The following ELAC2 variants were observed in gnomAD, a reference collection of about 807,000 sequenced individuals.
ELAC2 encodes elaC ribonuclease Z 2, also known as zinc phosphodiesterase ELAC protein 2.
ELAC2 carries 92 observed loss-of-function variants against 105.2 expected under a neutral mutation model. That is an observed-to-expected ratio of 0.87 (90% CI 0.74 to 1.04). The LOEUF (loss-of-function observed/expected upper bound fraction) is 1.04. Among genes scored for constraint, ELAC2 ranks in the 50% least tolerant of loss-of-function variants. The pLI, the probability that ELAC2 is intolerant of heterozygous loss-of-function variation, is 0.00. For synonymous variants in ELAC2, 468 were observed against 409.1 expected (o/e 1.14, Z -1.74); for missense variants, 1,099 against 1,071.7 (o/e 1.03, Z -0.36).
In ELAC2 at chr17:12,993,054, C is replaced by G; in HGVS notation, c.2254-9G>C. ...AAGTCTCCAAAGCAGACCTAGAAGA[C>G]ACAATAGAAGACAAGGACATGTCTC... is the stretch of plus-strand genomic sequence containing the variant. On this transcript the variant is annotated splice_polypyrimidine_tract_variant and intron_variant, in intron 23 of 23. Coordinates refer to ENST00000338034, the MANE Select transcript of ELAC2 (RefSeq NM_018127.7). 6.2e-7 allele frequency: 1 copy of G among 1,601,068 alleles called. No individual in the cohort carries two copies. Among genetic ancestry groups the G allele is most frequent in the East Asian group, 2.2e-5 (1 of 44,876 alleles).
intron 11 of ELAC2, among the ~76,000 whole-genome samples, chr17:13,004,730 A>G (rs1008438168): frequency 2.6e-5 from 4 of 152,236 alleles, no homozygotes; most frequent in Non-Finnish European, 4.4e-5. Flanking sequence ...TTCTTCTGGT[A>G]TAAGAGCTGT....
intron 12 of ELAC2, 55 bp from the exon 13 acceptor site, chr17:13,002,634 GAGGAGTGGTGCTGAGCTC>G: frequency 5.8e-6 from 9 of 1,560,014 alleles, no homozygotes; most frequent in Non-Finnish European, 7.8e-6. Context: ...AGCTCCCCCT[GAGGAGTGGTGCTGAGCTC>G]AGGAGTGGTA....
intron 16 of ELAC2, among the ~76,000 whole-genome samples, chr17:12,997,378 A>G (rs1393842909): frequency 6.6e-6 from 1 of 152,180 alleles, no homozygotes; most frequent in Non-Finnish European, 1.5e-5. Context: ...AGGAGCCACG[A>G]ACACTGAGAG....
Position 13,016,937 on chromosome 17 carries a change from G to C in ELAC2, c.297-5C>G. On this transcript the variant is annotated splice_region_variant and splice_polypyrimidine_tract_variant and intron_variant, in intron 2 of 23. Transcript: ENST00000338034. ...TCCAGGCGAGCAACCTTTAACCTAAGAATGAAAAAACATTTAAACAGGATA... is the reference window on the plus strand; with the variant it reads ...TCCAGGCGAGCAACCTTTAACCTAACAATGAAAAAACATTTAAACAGGATA... 1 of 1,613,854 alleles carries C rather than the reference G, an allele frequency of 6.2e-7. No homozygotes were observed.
chr17:12,995,134 T>C, intron 19 of ELAC2, 72 bp from the exon 20 acceptor site: 1 of 1,510,798 alleles, frequency 6.6e-7, no homozygotes. Flanking sequence ...TTTAAGTCTT[T>C]GGCTGGAGAA....
chr17:12,992,069 A>C lies in ELAC2; in HGVS notation c.*749T>G, dbSNP rs1349871748. On this transcript the variant is annotated 3_prime_UTR_variant, in exon 24 of 24. Transcript: ENST00000338034. ...GTCTCCACTTTTACCCAGAACCACC[A>C]GAAGACTTGCATTTCCCTGACCAAT... 6.6e-6 allele frequency among the ~76,000 whole-genome samples: 1 copy of C among 152,176 alleles called. No homozygotes were observed. Among genetic ancestry groups the C allele is most frequent in the East Asian group, 1.9e-4 (1 of 5,198 alleles).
chr17:13,007,258 C>G (rs1338951842), intron 8 of ELAC2, among the ~76,000 whole-genome samples: 1 of 151,908 alleles, frequency 6.6e-6, no homozygotes. Flanking sequence ...ACATGTAGGC[C>G]TTTGAGTGCT....
At chr17:12,993,171 A>G in intron 23 of ELAC2, 126 bp from the exon 24 acceptor site, 1 of 999,344 alleles carries the variant, frequency 1.0e-6, no homozygotes, top group Non-Finnish European at 1.5e-6. Flanking sequence ...ACAAGCCAAC[A>G]GGCCACAGCT....
intron 12 of ELAC2, 98 bp downstream of exon 12, chr17:13,003,381 A>G: frequency 9.0e-7 from 1 of 1,116,516 alleles, no homozygotes. Context: ...GCAGGTGCAG[A>G]AGGGTAGGTA....
At chr17:12,994,942 G>A in intron 20 of ELAC2, 21 bp downstream of exon 20, 1 of 1,614,130 alleles carries the variant, frequency 6.2e-7, no homozygotes, top group Non-Finnish European at 8.5e-7. Context: ...CCCCCATGAT[G>A]CCTGCGGCTG....
At chr17:12,995,521 G>T (rs2040424326) in intron 19 of ELAC2, among the ~76,000 whole-genome samples, 182 bp downstream of exon 19, 1 of 152,240 alleles carries the variant, frequency 6.6e-6, no homozygotes, top group Non-Finnish European at 1.5e-5. Flanking sequence ...CATTACATGG[G>T]AACTATCTAA....
intron 1 of ELAC2, 48 bp from the exon 2 acceptor site, chr17:13,017,169 A>G: frequency 6.6e-7 from 1 of 1,523,644 alleles, no homozygotes; most frequent in Non-Finnish European, 9.1e-7. Flanking sequence ...TTATTCTGTA[A>G]ACTCTCTGAC....
chr17:12,995,919 C>A, intron 18 of ELAC2, 21 bp downstream of exon 18: 1 of 1,590,170 alleles, frequency 6.3e-7, no homozygotes, highest in Non-Finnish European at 8.6e-7. Context: ...ACTCAGAACG[C>A]CCATCAAGTG....
Position 13,003,493 on chromosome 17 carries a change from C to A in ELAC2, c.1065G>T (p.Gln355His). 1 of 1,614,210 alleles carries A rather than the reference C, an allele frequency of 6.2e-7. No homozygotes were observed. Among genetic ancestry groups the A allele is most frequent in the Non-Finnish European group, 8.5e-7 (1 of 1,180,028 alleles). Residue 355 changes from glutamine (Q) to histidine (H), a missense_variant, in exon 12 of 24, where the codon CAG becomes CAT. Transcript: ENST00000338034. Reference protein sequence around the residue: ...PASVLVDSRYQQWMERFGPDT... With the variant: ...PASVLVDSRYHQWMERFGPDT... ...GGGCTCCATACCTCTCCATCCACTG[C>A]TGGTACCTGCTGTCCACAAGCACAG...
chr17:13,000,223 C>T lies in ELAC2; in HGVS notation c.1356G>A (p.Gln452=). The T allele has an allele frequency of 1.2e-6, 2 of 1,614,160 alleles. No individual in the cohort carries two copies. Among genetic ancestry groups the T allele is most frequent in the East Asian group, 2.2e-5 (1 of 44,876 alleles). ...NPEEFIVEAL[Q]LPNFQQSVQE... ...GCACGCTCTGCTGGAAGTTGGGAAG[C>T]TGCAGCGCCTCAACTATGAATTCCT... Residue 452 remains glutamine (Q), a synonymous_variant, in exon 15 of 24, where the codon CAG becomes CAA. Coordinates refer to ENST00000338034, the MANE Select transcript of ELAC2 (RefSeq NM_018127.7).
chr17:13,001,842 A>C (rs1258787341), intron 14 of ELAC2, among the ~76,000 whole-genome samples: 1 of 152,254 alleles, frequency 6.6e-6, no homozygotes, highest in Non-Finnish European at 1.5e-5. Flanking sequence ...ACAGGAAAAG[A>C]CTGACAATAT....
Position 12,992,705 on chromosome 17 carries a change from G to T in ELAC2, c.*113C>A. On this transcript the variant is annotated 3_prime_UTR_variant, in exon 24 of 24. Transcript: ENST00000338034. The stretch of plus-strand genomic sequence containing the variant: ...CACAGCTCCATACCACCTATCCTGA[G>T]CTGCCTCCTGGGGGACCGTGCTCTT... 7.7e-7 allele frequency: 1 copy of T among 1,303,098 alleles called. No individual in the cohort carries two copies. Among genetic ancestry groups the T allele is most frequent in the Non-Finnish European group, 1.1e-6 (1 of 922,774 alleles). 80.7% of individuals were successfully genotyped at this position (1,303,098 alleles called of 1,614,324 possible). A position where few individuals can be genotyped will look rare whatever the true frequency, so the allele number is the denominator to read the frequency against.
intron 11 of ELAC2, among the ~76,000 whole-genome samples, chr17:13,004,510 T>A (rs185737800): frequency 6.6e-6 from 1 of 152,278 alleles, no homozygotes; most frequent in East Asian, 1.9e-4. Flanking sequence ...TTAACTTCGA[T>A]AGAGGACAAC....
intron 14 of ELAC2, 125 bp downstream of exon 14, chr17:13,002,149 G>A (rs1014287953): frequency 2.8e-5 from 28 of 1,012,706 alleles, no homozygotes; most frequent in Admixed American, 6.0e-5. Flanking sequence ...TCAAAGCGGA[G>A]TTGAATAGTT....
Sources: gnomAD v4.1 joint callset for allele counts (sites outside exome capture counted in the v4.1 genomes callset) on GRCh38, gnomAD v4.1.1 for gene constraint, MANE v1.5 for transcripts, NCBI Gene and HGNC (gene_info 2026-07-23, HGNC 2026-07-21) for gene names.